Variants in VOPP1 observed in about 807,000 individuals in gnomAD.
The protein encoded by VOPP1 is WW domain binding protein VOPP1.
Under a neutral mutation model 23.5 loss-of-function variants are expected in VOPP1, and 8 were observed. The ratio of observed to expected loss-of-function variants is 0.34; its 90% CI spans 0.20 to 0.61. VOPP1 has a LOEUF of 0.61. VOPP1 is among the 20% of genes least tolerant of loss of function. The pLI, the probability that VOPP1 is intolerant of heterozygous loss-of-function variation, is 0.78. For synonymous variants in VOPP1, 83 were observed against 97.3 expected (o/e 0.85, Z 0.86); for missense variants, 174 against 238.1 (o/e 0.73, Z 1.77).
At chr7:55,440,512 G>A (rs554758769) in intron 4 of VOPP1, among the ~76,000 whole-genome samples, 132 of 152,352 alleles carry the variant, frequency 8.7e-4, no homozygotes, top group African/African-American at 2.9e-3. Context: ...CTGGGGCCAC[G>A]CTTCCAGTGA....
chr7:55,444,680 GCTGGGGCACA>G (rs1791051378), intron 4 of VOPP1, among the ~76,000 whole-genome samples: 1 of 150,710 alleles, frequency 6.6e-6, no homozygotes, highest in African/African-American at 2.4e-5. Flanking sequence ...CTGCTCAGTT[GCTGGGGCACA>G]ATGCCTGCCA....
rs1004821678 is a variant in VOPP1, at chr7:55,572,492, G to C, written c.-168C>G. On this transcript the variant is annotated 5_prime_UTR_variant, in exon 1 of 5. Coordinates refer to ENST00000285279, the MANE Select transcript of VOPP1 (RefSeq NM_030796.5). ...GAGCCGGGGCGCGCCGCGCAGCCCTGGCTGCGCTCCGCCCCCGGCCGCCGC... is the reference window on the plus strand; with the variant it reads ...GAGCCGGGGCGCGCCGCGCAGCCCTCGCTGCGCTCCGCCCCCGGCCGCCGC... 4.2e-6 allele frequency: 1 copy of C among 236,850 alleles called. No homozygotes were observed. Among genetic ancestry groups the C allele is most frequent in the East Asian group, 1.9e-4 (1 of 5,198 alleles). 14.7% of individuals were successfully genotyped at this position (236,850 alleles called of 1,614,324 possible). A position where few individuals can be genotyped will look rare whatever the true frequency, so the allele number is the denominator to read the frequency against.
At chr7:55,468,213 G>A (rs957836235), downstream of VOPP1, among the ~76,000 whole-genome samples, 2 of 150,654 alleles carry the variant, frequency 1.3e-5, no homozygotes, top group Non-Finnish European at 3.0e-5. Context: ...GGAGGTGGAA[G>A]TGAGCTGAGA....
At chr7:55,568,523 C>T (rs1027440720) in intron 1 of VOPP1, among the ~76,000 whole-genome samples, 2 of 152,174 alleles carry the variant, frequency 1.3e-5, no homozygotes, top group Non-Finnish European at 2.9e-5. Flanking sequence ...TAAAATAAGT[C>T]TATCTCCTTG....
intron 2 of VOPP1, among the ~76,000 whole-genome samples, chr7:55,505,617 A>G (rs1249798157): frequency 8.0e-6 from 1 of 125,312 alleles, no homozygotes; most frequent in African/African-American, 3.0e-5. Flanking sequence ...AGAAAGAGAG[A>G]GGGGGAAGGA....
intron 4 of VOPP1, among the ~76,000 whole-genome samples, chr7:55,439,060 G>A (rs1282809387): frequency 6.6e-6 from 1 of 152,166 alleles, no homozygotes; most frequent in East Asian, 1.9e-4. Context: ...AGTTCAAGGT[G>A]GTTTATTAGA....
intron 2 of VOPP1, among the ~76,000 whole-genome samples, chr7:55,507,330 G>A (rs1794792883): frequency 6.6e-6 from 1 of 152,194 alleles, no homozygotes; most frequent in Non-Finnish European, 1.5e-5. Context: ...CCTCTTGCCT[G>A]TGACTCTTTT....
intron 1 of VOPP1, chr7:55,537,558 C>A: frequency 2.6e-6 from 4 of 1,535,976 alleles, no homozygotes; most frequent in East Asian, 2.4e-5. Flanking sequence ...AGGCAGCGCA[C>A]CTCCTCGCCA....
intron 1 of VOPP1, among the ~76,000 whole-genome samples, chr7:55,524,826 G>C (rs959115656): frequency 2.6e-5 from 4 of 152,128 alleles, no homozygotes; most frequent in African/African-American, 9.7e-5. Flanking sequence ...CTGCCAAGTC[G>C]AAGTCTGATG....
At chr7:55,435,092 A>C (rs1012054481), downstream of VOPP1, among the ~76,000 whole-genome samples, 1 of 152,194 alleles carries the variant, frequency 6.6e-6, no homozygotes, top group Admixed American at 6.5e-5. Context: ...CGCGACTTCT[A>C]TGGCTCTACC....
Position 55,472,226 on chromosome 7 carries a change from C to T in VOPP1, c.*629G>A, listed in dbSNP as rs1039161867. On this transcript the variant is annotated 3_prime_UTR_variant, in exon 5 of 5. Coordinates refer to ENST00000285279, the MANE Select transcript of VOPP1 (RefSeq NM_030796.5). ...TCCAAGGCAAGCCTGATTCTAGGCCCCATCCTGCGGTGAGAGCTGCACGTG... is the reference window on the plus strand; with the variant it reads ...TCCAAGGCAAGCCTGATTCTAGGCCTCATCCTGCGGTGAGAGCTGCACGTG... 6.7e-6 allele frequency: 1 copy of T among 149,814 alleles called. No individual in the cohort carries two copies. The highest frequency in any genetic ancestry group is 1.5e-5 in the Non-Finnish European group (1 of 67,584). 9.3% of individuals were successfully genotyped at this position (149,814 alleles called of 1,614,324 possible).
intron 2 of VOPP1, among the ~76,000 whole-genome samples, chr7:55,502,857 G>T (rs1407580709): frequency 6.6e-6 from 1 of 152,312 alleles, no homozygotes; most frequent in African/African-American, 2.4e-5. Context: ...AACAGCAAGG[G>T]TTTTTCATCT....
At chr7:55,552,941 G>T in intron 1 of VOPP1, 2 of 763,940 alleles carry the variant, frequency 2.6e-6, no homozygotes, top group Non-Finnish European at 3.7e-6. Context: ...GCTGACAAAT[G>T]CTAAGGCGCT....
chr7:55,515,685 C>T (rs1795357783), intron 2 of VOPP1, among the ~76,000 whole-genome samples: 1 of 152,226 alleles, frequency 6.6e-6, no homozygotes, highest in Admixed American at 6.5e-5. Context: ...TGCCACTCCA[C>T]TTCCCCTCTG....
At chr7:55,466,319 G>C (rs189966671), downstream of VOPP1, among the ~76,000 whole-genome samples, 43 of 152,352 alleles carry the variant, frequency 2.8e-4, no homozygotes, top group African/African-American at 8.2e-4. Context: ...TGGGCAATTG[G>C]GTAGAAAGGC....
At chr7:55,460,599 TCAA>T (rs1478368693) in intron 4 of VOPP1, among the ~76,000 whole-genome samples, 1 of 152,220 alleles carries the variant, frequency 6.6e-6, no homozygotes, top group Non-Finnish European at 1.5e-5. Flanking sequence ...TACATGTATA[TCAA>T]GCATTGTTAT....
At chr7:55,447,385 T>G (rs1791128060) in intron 4 of VOPP1, among the ~76,000 whole-genome samples, 1 of 152,176 alleles carries the variant, frequency 6.6e-6, no homozygotes, top group South Asian at 2.1e-4. Flanking sequence ...GTTTGCTCAC[T>G]GAAGAAATGT....
At chr7:55,533,523 C>G (rs1796609258) in intron 1 of VOPP1, among the ~76,000 whole-genome samples, 1 of 152,226 alleles carries the variant, frequency 6.6e-6, no homozygotes, top group Non-Finnish European at 1.5e-5. Flanking sequence ...CTGCCATCTG[C>G]TTTTAACCAC....
At chr7:55,473,431 G>C (rs1217917340) in intron 4 of VOPP1, among the ~76,000 whole-genome samples, 2 of 152,220 alleles carry the variant, frequency 1.3e-5, no homozygotes, top group Admixed American at 6.5e-5. Flanking sequence ...CCATTGGCTG[G>C]TGACCATTTC....
Sources: gnomAD v4.1 joint callset for allele counts (sites outside exome capture counted in the v4.1 genomes callset) on GRCh38, gnomAD v4.1.1 for gene constraint, MANE v1.5 for transcripts, NCBI Gene and HGNC (gene_info 2026-07-23, HGNC 2026-07-21) for gene names.